Variants in MEGF8 observed in about 807,000 individuals in gnomAD.
MEGF8 encodes the protein multiple EGF like domains 8.
A neutral mutation model predicts 302.9 loss-of-function variants in MEGF8; 156 were observed. That is an observed-to-expected ratio of 0.52 (90% CI 0.45 to 0.59). The LOEUF (loss-of-function observed/expected upper bound fraction) is 0.59, where lower values mean the gene tolerates loss of function less well. MEGF8 is among the 20% of genes least tolerant of loss of function. MEGF8 has a pLI of 0.00. For synonymous variants in MEGF8, 1,621 were observed against 1,660.5 expected, an observed-to-expected ratio of 0.98 and a Z score of 0.58; for missense variants, 3,345 against 3,964.5, an observed-to-expected ratio of 0.84 and a Z score of 4.20.
chr19:42,327,968 G>A (rs2039006773), intron 1 of MEGF8, among the ~76,000 whole-genome samples: 3 of 152,182 alleles, frequency 2.0e-5, no homozygotes, highest in African/African-American at 7.2e-5. Context: ...GATGGCGCGC[G>A]CCTGTAGTCC....
At position 42,358,224 on chromosome 19, in the gene MEGF8, C is replaced by T; in HGVS notation, c.5092C>T (p.Leu1698=). The T allele has an allele frequency of 1.2e-6, 2 of 1,601,880 alleles. No individual in the cohort carries two copies. Among genetic ancestry groups the T allele is most frequent in the Non-Finnish European group, 1.7e-6 (2 of 1,175,050 alleles). ...VFGGFRFHVE[L]AAPSPELYSL... is the part of the protein sequence containing the mutation. ...TGGGGGGTTCCGATTCCATGTGGAG[C>T]TGGCGGCCCCATCCCCCGAGCTCTA... is the stretch of plus-strand genomic sequence containing the variant. Residue 1698 remains leucine (L), a synonymous_variant, in exon 29 of 42, where the codon CTG becomes TTG. Coordinates refer to ENST00000251268, the MANE Select transcript of MEGF8 (RefSeq NM_001271938.2). The surrounding 1 kb of genome is among the most constrained non-coding windows in gnomAD (Gnocchi z 4.4).
In MEGF8 at chr19:42,358,124, G is replaced by A. The variant is rs1018099140; in HGVS notation, c.5012-20G>A. The A allele has an allele frequency of 3.3e-6, 5 of 1,534,130 alleles. No homozygotes were observed. The highest frequency in any genetic ancestry group is 1.4e-5 in the African/African-American group (1 of 71,662). Reference sequence around the variant, plus strand: ...CTGTTGTCAGCCCCTCCCCCAGCCTGTCACCCTGCCCCTCACCAGGTCTCT... The same window carrying A: ...CTGTTGTCAGCCCCTCCCCCAGCCTATCACCCTGCCCCTCACCAGGTCTCT... On this transcript the variant is annotated intron_variant, in intron 28 of 41. Coordinates refer to ENST00000251268, the MANE Select transcript of MEGF8 (RefSeq NM_001271938.2). This position sits in a 1 kb window ranked among gnomAD's most constrained non-coding sequence, Gnocchi z 4.4.
At chr19:42,363,476 G>T (rs1384968907) in intron 35 of MEGF8, among the ~76,000 whole-genome samples, 1 of 152,118 alleles carries the variant, frequency 6.6e-6, no homozygotes, top group Admixed American at 6.5e-5. Flanking sequence ...CCATGCTTCT[G>T]TGTGTGCCAC....
intron 5 of MEGF8, 46 bp downstream of exon 5, chr19:42,335,431 G>A: frequency 7.6e-6 from 12 of 1,588,590 alleles, no homozygotes; most frequent in Non-Finnish European, 1.0e-5. Flanking sequence ...CACTCAATCA[G>A]ACCCAGCCGG....
chr19:42,358,413 C>T lies in MEGF8; in HGVS notation c.5175+106C>T. 1 of 1,363,284 alleles carries T rather than the reference C, an allele frequency of 7.3e-7. No individual in the cohort carries two copies. Among genetic ancestry groups the T allele is most frequent in the Non-Finnish European group, 9.8e-7 (1 of 1,018,886 alleles). The allele number at this position is 1,363,284 out of a possible 1,614,324, so 84.4% of individuals were successfully genotyped here. A position where few individuals can be genotyped will look rare whatever the true frequency, so the allele number is the denominator to read the frequency against. ...CCATCCCAGATTCCTGCTTCCCCTC[C>T]TTTCTATGTTCCCTAACTAAGCGAC... On this transcript the variant is annotated intron_variant, in intron 29 of 41. Transcript: ENST00000251268. This position sits in a 1 kb window ranked among gnomAD's most constrained non-coding sequence, Gnocchi z 4.4.
chr19:42,359,280 A>T, intron 31 of MEGF8, 38 bp downstream of exon 31: 2 of 1,500,766 alleles, frequency 1.3e-6, no homozygotes, highest in East Asian at 2.4e-5. Context: ...GCTGAGGGAC[A>T]TCCAGGAGGA....
chr19:42,333,386 G>T (rs2039079623), intron 1 of MEGF8, among the ~76,000 whole-genome samples: 1 of 152,226 alleles, frequency 6.6e-6, no homozygotes, highest in Admixed American at 6.5e-5. Flanking sequence ...GGAATATTAT[G>T]ATTCTTTCTC....
chr19:42,358,440 C>G lies in MEGF8; in HGVS notation c.5175+133C>G. ...TTCTATGTTCCCTAACTAAGCGACA[C>G]CCCCACATCTCCCCCGCTTCCATCC... On this transcript the variant is annotated intron_variant, in intron 29 of 41. Transcript: ENST00000251268. This position sits in a 1 kb window ranked among gnomAD's most constrained non-coding sequence, Gnocchi z 4.4. 4 of 1,151,952 alleles carry G rather than the reference C, an allele frequency of 3.5e-6. No homozygotes were observed. The South Asian group carries it at 6.4e-5, about 18-fold the overall frequency. 71.4% of individuals were successfully genotyped at this position (1,151,952 alleles called of 1,614,324 possible).
chr19:42,336,472 A>G lies in MEGF8; in HGVS notation c.1244+126A>G, dbSNP rs1481473332. The G allele has an allele frequency of 3.0e-6, 3 of 984,074 alleles. No individual in the cohort carries two copies. The South Asian group carries it at 5.5e-5, about 18-fold the overall frequency. 61.0% of individuals were successfully genotyped at this position (984,074 alleles called of 1,614,324 possible). On this transcript the variant is annotated intron_variant, in intron 6 of 41. Transcript: ENST00000251268. The surrounding 1 kb of genome is among the most constrained non-coding windows in gnomAD (Gnocchi z 4.8). ...TGGTCTCTCAGTCACTCCTTCCTTC[A>G]TGTATTTACTTATTCCTTCGTTCAC...
chr19:42,376,929 G>T lies in MEGF8; in HGVS notation c.*154G>T. 1.4e-6 allele frequency: 1 copy of T among 712,698 alleles called. No homozygotes were observed. Among genetic ancestry groups the T allele is most frequent in the Non-Finnish European group, 2.1e-6 (1 of 483,004 alleles). The allele number at this position is 712,698 out of a possible 1,614,324, so 44.1% of individuals were successfully genotyped here. A position where few individuals can be genotyped will look rare whatever the true frequency, so the allele number is the denominator to read the frequency against. Reference sequence around the variant, plus strand: ...GCCCAGATGGGGCCTCCTTTGTTCTGCATTCAGCAGCTATTTATCGAGTAC... The same window carrying T: ...GCCCAGATGGGGCCTCCTTTGTTCTTCATTCAGCAGCTATTTATCGAGTAC... On this transcript the variant is annotated 3_prime_UTR_variant, in exon 42 of 42. Coordinates refer to ENST00000251268, the MANE Select transcript of MEGF8 (RefSeq NM_001271938.2). This position sits in a 1 kb window ranked among gnomAD's most constrained non-coding sequence, Gnocchi z 8.2.
Position 42,335,226 on chromosome 19 carries a change from G to C in MEGF8, c.739+11G>C, listed in dbSNP as rs761402581. Reference sequence around the variant, plus strand: ...TGGCAGTTTTCGGAGGTGAGCAGATGGGGCGAGTATCTGGGATCTGGAGGC... The same window carrying C: ...TGGCAGTTTTCGGAGGTGAGCAGATCGGGCGAGTATCTGGGATCTGGAGGC... On this transcript the variant is annotated intron_variant, in intron 4 of 41. Transcript: ENST00000251268. 30 of 1,613,892 alleles carry C rather than the reference G, an allele frequency of 1.9e-5. No homozygotes were observed. The African/African-American group carries it at 3.6e-4, about 19-fold the overall frequency.
intron 14 of MEGF8, 85 bp from the exon 15 acceptor site, chr19:42,350,063 C>A: frequency 1.8e-6 from 2 of 1,129,250 alleles, no homozygotes; most frequent in Non-Finnish European, 2.6e-6. Flanking sequence ...TCAACCTGGG[C>A]TCCAAACCCT....
In MEGF8 at chr19:42,375,888, G is replaced by A. The variant is rs576074108; in HGVS notation, c.7651G>A (p.Gly2551Arg). The part of the protein sequence containing the change: ...GGPRGAGDPG[G>R]AGASSGPGAP... The stretch of plus-strand genomic sequence containing the variant: ...GCCCCGGGGGGCTGGGGATCCAGGA[G>A]GAGCAGGGGCCAGCAGTGGGCCGGG... Residue 2551 changes from glycine to arginine, a missense_variant, in exon 42 of 42, where the codon GGA (glycine) becomes AGA (arginine). Physicochemically the swap from Gly to Arg is moderately radical, Grantham distance 125 (BLOSUM62 -2). Coordinates refer to ENST00000251268, the MANE Select transcript of MEGF8 (RefSeq NM_001271938.2). This position sits in a 1 kb window ranked among gnomAD's most constrained non-coding sequence, Gnocchi z 7.1. The A allele has an allele frequency of 5.0e-6, 8 of 1,603,880 alleles. No homozygotes were observed. The African/African-American group carries it at 1.1e-4, about 21-fold the overall frequency.
intron 8 of MEGF8, among the ~76,000 whole-genome samples, chr19:42,338,819 C>CTTT (rs2039170143): frequency 1.2e-5 from 1 of 86,726 alleles, no homozygotes; most frequent in Non-Finnish European, 2.4e-5. Flanking sequence ...TTTTTTCTTT[C>CTTT]TATGTATTTT....
At chr19:42,332,154 A>C (rs895155058) in intron 1 of MEGF8, among the ~76,000 whole-genome samples, 2 of 151,810 alleles carry the variant, frequency 1.3e-5, no homozygotes, top group African/African-American at 4.8e-5. Context: ...CACCCACCCC[A>C]CTCTGTTGTC....
intron 5 of MEGF8, 90 bp from the exon 6 acceptor site, chr19:42,335,841 A>G (rs2039119978): frequency 2.1e-5 from 26 of 1,246,882 alleles, no homozygotes; most frequent in East Asian, 1.8e-4. Context: ...CCTTCTCTCC[A>G]TGTTTCTCTG....
In MEGF8 at chr19:42,356,984, G is replaced by A. The variant is rs761910835; in HGVS notation, c.4830+3G>A. 6 of 1,587,198 alleles carry A rather than the reference G, an allele frequency of 3.8e-6. No homozygotes were observed. In the East Asian group the frequency reaches 1.4e-4, roughly 37 times the overall value. On this transcript the variant is annotated splice_donor_region_variant and intron_variant, in intron 27 of 41. Transcript: ENST00000251268. This position sits in a 1 kb window ranked among gnomAD's most constrained non-coding sequence, Gnocchi z 5.2. Reference sequence around the variant, plus strand: ...CCCTGCAATGGCGGCAGGAGAAGGTGAGCATCTCTCCCCAGCCCACTCCCC... The same window carrying A: ...CCCTGCAATGGCGGCAGGAGAAGGTAAGCATCTCTCCCCAGCCCACTCCCC...
chr19:42,358,809 G>T lies in MEGF8; in HGVS notation c.5198G>T (p.Arg1733Leu), dbSNP rs371976691. 1.3e-6 allele frequency: 2 copies of T among 1,583,178 alleles called. No individual in the cohort carries two copies. The highest frequency in any genetic ancestry group is 1.7e-6 in the Non-Finnish European group (2 of 1,165,976). The change falls in exon 30 of 42, where the codon CGT (arginine) becomes CTT (leucine). Residue 1733 changes from arginine (R) to leucine (L), a missense_variant. Coordinates refer to ENST00000251268, the MANE Select transcript of MEGF8 (RefSeq NM_001271938.2). The surrounding 1 kb of genome is among the most constrained non-coding windows in gnomAD (Gnocchi z 4.4). ...GAKRDRMRNV[R>L]GSSRGLGQVP... Reference sequence around the variant, plus strand: ...TAGCGAGATCGTATGAGGAATGTGCGTGGCTCATCTCGGGGTCTGGGCCAA... The same window carrying T: ...TAGCGAGATCGTATGAGGAATGTGCTTGGCTCATCTCGGGGTCTGGGCCAA...
intron 39 of MEGF8, 71 bp from the exon 40 acceptor site, chr19:42,370,630 G>A (rs1213222601): frequency 6.6e-7 from 1 of 1,517,872 alleles, no homozygotes; most frequent in East Asian, 2.4e-5. Flanking sequence ...TAGGAGCCTG[G>A]ACTCCTGGGT....
Sources: allele counts gnomAD v4.1 joint callset (sites outside exome capture counted in the v4.1 genomes callset), GRCh38; gene constraint gnomAD v4.1.1; non-coding constraint Gnocchi (gnomAD v3.1); transcripts MANE v1.5; gene names NCBI Gene and HGNC (gene_info 2026-07-23, HGNC 2026-07-21).